The following PHGDH variants were observed in gnomAD, a reference collection of about 807,000 sequenced individuals.
PHGDH encodes D-3-phosphoglycerate dehydrogenase.
Under a neutral mutation model 52.6 loss-of-function variants are expected in PHGDH, and 50 were observed. That is an observed-to-expected ratio of 0.95 (90% CI 0.76 to 1.20). PHGDH has a LOEUF of 1.20. Among genes scored for constraint, PHGDH ranks in the 50% most tolerant of loss-of-function variants. PHGDH has a pLI of 0.00. For missense variants in PHGDH, 630 were observed against 684.6 expected (o/e 0.92, Z 0.89); for synonymous variants, 271 against 280.5 (o/e 0.97, Z 0.34).
chr1:119,741,737 G>T, intron 9 of PHGDH, 30 bp from the exon 10 acceptor site: 1 of 1,609,468 alleles, frequency 6.2e-7, no homozygotes, highest in South Asian at 1.1e-5. Flanking sequence ...AACAAACAGT[G>T]ACCTCATGGT....
chr1:119,713,238 A>G (rs114441074), intron 1 of PHGDH: 1,751 of 152,476 alleles, frequency 0.011, 29 homozygotes, highest in African/African-American at 0.041. Flanking sequence ...AGCCCTGTCC[A>G]CCACCTTCAG....
intron 3 of PHGDH, among the ~76,000 whole-genome samples, chr1:119,726,187 T>A (rs1407113553): frequency 2.8e-5 from 4 of 143,170 alleles, no homozygotes; most frequent in South Asian, 2.2e-4. Flanking sequence ...AGAGTGTGTG[T>A]GTGTGTGTGT....
rs587709758 is a variant in PHGDH at position 119,735,342 on chromosome 1, G to A, written c.691G>A (p.Val231Met). Reference protein sequence around the residue: ...TFAQCKKGVRVVNCARGGIVD... With the variant: ...TFAQCKKGVRMVNCARGGIVD... ...TGCCCAGTGCAAGAAGGGGGTGCGTGTGGTGAACTGTGCCCGTGGAGGGAT... is the reference window on the plus strand; with the variant it reads ...TGCCCAGTGCAAGAAGGGGGTGCGTATGGTGAACTGTGCCCGTGGAGGGAT... Residue 231 changes from valine to methionine, a missense_variant, in exon 7 of 12, where the codon GTG (valine) becomes ATG (methionine). By Grantham distance (21) the Val-to-Met change is conservative (BLOSUM62 1). Transcript: ENST00000641023. The A allele has an allele frequency of 6.2e-7, 1 of 1,614,230 alleles. No homozygotes were observed. The highest frequency in any genetic ancestry group is 1.3e-5 in the African/African-American group (1 of 75,070).
intron 1 of PHGDH, chr1:119,712,503 A>G (rs478093): frequency 0.72 from 253,744 of 350,550 alleles, 92,835 homozygotes; most frequent in East Asian, 0.94. Context: ...TTAGCGCGCA[A>G]TTGTTCTGGC....
At chr1:119,742,602 T>G in intron 10 of PHGDH, 1 of 630,526 alleles carries the variant, frequency 1.6e-6, no homozygotes, top group Non-Finnish European at 2.9e-6. Flanking sequence ...GCCCTCCCTT[T>G]AAGGAGATCA....
intron 9 of PHGDH, 136 bp downstream of exon 9, chr1:119,740,654 A>C (rs1652157546): frequency 1.4e-6 from 1 of 697,876 alleles, no homozygotes; most frequent in Non-Finnish European, 2.4e-6. Context: ...CCCTGAGTAT[A>C]GCTCCCTTAC....
intron 7 of PHGDH, among the ~76,000 whole-genome samples, chr1:119,736,228 G>T (rs771307579): frequency 6.6e-6 from 1 of 152,186 alleles, no homozygotes; most frequent in Non-Finnish European, 1.5e-5. Flanking sequence ...TGTAACCTTG[G>T]TCATCTTTCT....
chr1:119,720,989 T>A (rs587690027), intron 1 of PHGDH, 181 bp from the exon 2 acceptor site: 9 of 673,704 alleles, frequency 1.3e-5, no homozygotes, highest in Non-Finnish European at 2.4e-5. Flanking sequence ...AAAATCAGCA[T>A]GAGTCCTAGC....
rs144019971 is a variant in PHGDH at position 119,741,825 on chromosome 1, G to A, written c.1137G>A (p.Leu379=). Residue 379 remains leucine, a synonymous_variant, in exon 10 of 12, where the codon CTG becomes CTA. Transcript: ENST00000641023. The part of the protein sequence containing the change: ...CLSPAVIVGL[L]KEASKQADVN... ...GCCCCGCAGTCATTGTCGGCCTCCT[G>A]AAAGAGGCTTCCAAGCAGGCGGATG... 1.2e-6 allele frequency: 2 copies of A among 1,613,404 alleles called. No individual in the cohort carries two copies. Among genetic ancestry groups the A allele is most frequent in the Non-Finnish European group, 8.5e-7 (1 of 1,179,292 alleles).
intron 1 of PHGDH, among the ~76,000 whole-genome samples, chr1:119,718,347 A>T (rs1397317472): frequency 6.6e-6 from 1 of 152,228 alleles, no homozygotes; most frequent in Non-Finnish European, 1.5e-5. Flanking sequence ...GATAATTGTA[A>T]TATCTGTCTT....
intron 5 of PHGDH, 143 bp downstream of exon 5, chr1:119,727,245 CAAG>C: frequency 1.4e-6 from 1 of 695,902 alleles, no homozygotes; most frequent in South Asian, 1.5e-5. Flanking sequence ...GTGTTAAAGT[CAAG>C]GAGGGAGAGA....
chr1:119,740,681 G>A (rs747002671), intron 9 of PHGDH, among the ~76,000 whole-genome samples, 163 bp downstream of exon 9: 6 of 152,198 alleles, frequency 3.9e-5, no homozygotes, highest in Non-Finnish European at 7.3e-5. Context: ...TGGGAGGGTG[G>A]TAAAGGGAGG....
At chr1:119,729,682 G>GCCCAACTCTCTACCT (rs1651606188) in intron 5 of PHGDH, 1 of 152,210 alleles carries the variant, frequency 6.6e-6, no homozygotes, top group Non-Finnish European at 1.5e-5. Flanking sequence ...ACCCTGGGAT[G>GCCCAACTCTCTACCT]CTTCCAAGAG....
Position 119,742,787 on chromosome 1 carries a change from A to T in PHGDH, c.1210-20A>T. ...GGTGCAGCCAGGAGGTGTAACAGTC[A>T]CCTTGCCTTCTCCACACAGGTCACC... is the stretch of plus-strand genomic sequence containing the variant. On this transcript the variant is annotated intron_variant, in intron 10 of 11. Coordinates refer to ENST00000641023, the MANE Select transcript of PHGDH (RefSeq NM_006623.4). 1 of 1,490,540 alleles carries T rather than the reference A, an allele frequency of 6.7e-7. No homozygotes were observed. The highest frequency in any genetic ancestry group is 9.3e-7 in the Non-Finnish European group (1 of 1,078,646). 92.3% of individuals were successfully genotyped at this position (1,490,540 alleles called of 1,614,324 possible).
chr1:119,727,833 TAAAA>T (rs1651510054), intron 5 of PHGDH: 2 of 152,486 alleles, frequency 1.3e-5, no homozygotes, highest in Non-Finnish European at 2.9e-5. Context: ...GACTCCGTCT[TAAAA>T]AACAGAAACA....
At chr1:119,723,951 A>G (rs952237189) in intron 3 of PHGDH, among the ~76,000 whole-genome samples, 9 of 152,160 alleles carry the variant, frequency 5.9e-5, no homozygotes, top group African/African-American at 2.2e-4. Context: ...TTGTAATAGA[A>G]TGGAGTAAGA....
intron 8 of PHGDH, chr1:119,739,773 G>C (rs1008001016): frequency 1.3e-5 from 2 of 152,824 alleles, no homozygotes; most frequent in African/African-American, 4.8e-5. Flanking sequence ...CCCTGGGTGG[G>C]GCAGGGGGCA....
At position 119,742,875 on chromosome 1, in the gene PHGDH, C is replaced by T. The variant is rs2101224812; in HGVS notation, c.1278C>T (p.Ala426=). ...TCGGGGAATGCCTCCTGGCCGTGGC[C>T]CTGGCAGGCGCCCCTTACCAGGCTG... ...QGFGECLLAV[A]LAGAPYQAVG... is the part of the protein sequence containing the mutation. Residue 426 remains alanine (A), a synonymous_variant, in exon 11 of 12, where the codon GCC becomes GCT. Coordinates refer to ENST00000641023, the MANE Select transcript of PHGDH (RefSeq NM_006623.4). The T allele has an allele frequency of 3.1e-6, 5 of 1,614,012 alleles. No individual in the cohort carries two copies. The South Asian group carries it at 3.3e-5, about 11-fold the overall frequency.
chr1:119,741,979 A>G, intron 10 of PHGDH, 82 bp downstream of exon 10: 3 of 1,238,870 alleles, frequency 2.4e-6, no homozygotes, highest in Non-Finnish European at 3.5e-6. Context: ...CCGTTCTCTG[A>G]GCGGAGGCCT....
Sources: gnomAD v4.1 joint callset for allele counts (sites outside exome capture counted in the v4.1 genomes callset) on GRCh38, gnomAD v4.1.1 for gene constraint, MANE v1.5 for transcripts, NCBI Gene and HGNC (gene_info 2026-07-23, HGNC 2026-07-21) for gene names.